WWOX: variants seen among roughly 807,000 people sequenced by gnomAD.
WWOX encodes WW domain containing oxidoreductase.
A neutral mutation model predicts 46.2 loss-of-function variants in WWOX; 69 were observed. The observed-to-expected ratio is 1.49, with a 90% confidence interval of 1.23 to 1.82. WWOX has a LOEUF of 1.82. Among genes scored for constraint, WWOX ranks in the 40% most tolerant of loss-of-function variants. The pLI, the probability that WWOX is intolerant of heterozygous loss-of-function variation, is 0.00. For missense variants in WWOX, 919 were observed against 542.6 expected (o/e 1.69, Z -6.89); for synonymous variants, 359 against 202.6 (o/e 1.77, Z -6.56).
At chr16:78,898,299 T>C (rs997310864) in intron 8 of WWOX, 9 of 152,188 alleles carry the variant, frequency 5.9e-5, no homozygotes, top group Non-Finnish European at 1.3e-4. Context: ...CTATGTTCCA[T>C]CTCAAATTAA....
At chr16:78,284,935 A>G (rs1249227201) in intron 5 of WWOX, among the ~76,000 whole-genome samples, 1 of 152,152 alleles carries the variant, frequency 6.6e-6, no homozygotes, top group Non-Finnish European at 1.5e-5. Context: ...CAACTAGCAA[A>G]ATGTTGGAAG....
At chr16:79,211,541 C>A in intron 8 of WWOX, 67 bp from the exon 9 acceptor site, 3 of 1,604,656 alleles carry the variant, frequency 1.9e-6, no homozygotes, top group Non-Finnish European at 2.6e-6. Flanking sequence ...CCCAGGCAGT[C>A]GAAATGACGC....
chr16:78,911,039 C>A (rs188805504), intron 8 of WWOX, among the ~76,000 whole-genome samples: 1 of 151,974 alleles, frequency 6.6e-6, no homozygotes, highest in African/African-American at 2.4e-5. Flanking sequence ...AAATGGCTTT[C>A]CCACAGCCTG....
intron 8 of WWOX, among the ~76,000 whole-genome samples, chr16:78,685,166 T>C (rs1431403275): frequency 6.6e-6 from 1 of 152,156 alleles, no homozygotes; most frequent in Admixed American, 6.5e-5. Flanking sequence ...TTTATGACCC[T>C]GGGAGGACTG....
At chr16:78,839,305 G>C (rs1306929378) in intron 8 of WWOX, among the ~76,000 whole-genome samples, 1 of 152,020 alleles carries the variant, frequency 6.6e-6, no homozygotes, top group Non-Finnish European at 1.5e-5. Flanking sequence ...AAAATGGAGA[G>C]GTTTTAAAAT....
At chr16:78,218,386 C>G (rs983235082) in intron 5 of WWOX, among the ~76,000 whole-genome samples, 3 of 152,022 alleles carry the variant, frequency 2.0e-5, no homozygotes, top group East Asian at 1.9e-4. Flanking sequence ...CATGCCTGGC[C>G]TTTGCTTGCC....
chr16:78,804,628 A>G (rs1161797604), intron 8 of WWOX, among the ~76,000 whole-genome samples: 1 of 152,238 alleles, frequency 6.6e-6, no homozygotes, highest in Non-Finnish European at 1.5e-5. Context: ...CATGTCAAGC[A>G]ATGAGCCTTT....
At chr16:78,138,909 T>A (rs1214608100) in intron 4 of WWOX, among the ~76,000 whole-genome samples, 1 of 152,192 alleles carries the variant, frequency 6.6e-6, no homozygotes, top group East Asian at 1.9e-4. Context: ...GTTCCCCCCA[T>A]GCAACTGTTT....
intron 8 of WWOX, among the ~76,000 whole-genome samples, chr16:78,608,580 G>A (rs935221113): frequency 6.6e-6 from 1 of 152,210 alleles, no homozygotes; most frequent in African/African-American, 2.4e-5. Context: ...AGTGAGGTAA[G>A]TTCGTCAGAC....
chr16:78,156,514 G>T (rs114021549), intron 4 of WWOX, among the ~76,000 whole-genome samples: 2,597 of 152,304 alleles, frequency 0.017, 83 homozygotes, highest in African/African-American at 0.06. Context: ...TTAGCAGTCT[G>T]CAAGAACCAT....
chr16:78,283,826 C>G (rs899283155), intron 5 of WWOX, among the ~76,000 whole-genome samples: 1 of 152,168 alleles, frequency 6.6e-6, no homozygotes, highest in African/African-American at 2.4e-5. Context: ...GGATTGTTCT[C>G]TAAGCTTCAC....
intron 5 of WWOX, among the ~76,000 whole-genome samples, chr16:78,311,842 G>C (rs1466198107): frequency 6.6e-6 from 1 of 152,132 alleles, no homozygotes; most frequent in African/African-American, 2.4e-5. Context: ...TTCAAACTTA[G>C]TGTCTTGAGA....
intron 4 of WWOX, among the ~76,000 whole-genome samples, chr16:78,142,403 A>G (rs546712433): frequency 8.1e-4 from 123 of 152,330 alleles, no homozygotes; most frequent in African/African-American, 2.7e-3. Flanking sequence ...ATGCAATGAA[A>G]ACATTTGTAA....
intron 8 of WWOX, among the ~76,000 whole-genome samples, chr16:78,623,800 TGAA>T (rs2046245434): frequency 2.6e-5 from 4 of 151,972 alleles, no homozygotes; most frequent in Admixed American, 2.6e-4. Flanking sequence ...CCACTATGAA[TGAA>T]GAAGAAAATA....
At chr16:78,167,452 A>G (rs1314026998) in intron 5 of WWOX, 1 of 152,206 alleles carries the variant, frequency 6.6e-6, no homozygotes, top group African/African-American at 2.4e-5. Context: ...CTTGAGATAG[A>G]CCAGTGATCC....
At chr16:78,201,231 A>G (rs1394205301) in intron 5 of WWOX, among the ~76,000 whole-genome samples, 5 of 152,224 alleles carry the variant, frequency 3.3e-5, no homozygotes, top group Non-Finnish European at 5.9e-5. Flanking sequence ...TAAGAACCAA[A>G]ATGATTGTCT....
At chr16:78,988,078 C>G (rs2046815734) in intron 8 of WWOX, among the ~76,000 whole-genome samples, 1 of 151,844 alleles carries the variant, frequency 6.6e-6, no homozygotes, top group Non-Finnish European at 1.5e-5. Context: ...TGCTGTGGGT[C>G]ACGCCTGTAA....
intron 5 of WWOX, among the ~76,000 whole-genome samples, chr16:78,313,589 C>G (rs997140039): frequency 2.0e-5 from 3 of 152,220 alleles, no homozygotes; most frequent in Admixed American, 1.3e-4. Context: ...TGGCCTCAAA[C>G]TCCTGACCTC....
chr16:78,626,924 G>C (rs1031748916), intron 8 of WWOX, among the ~76,000 whole-genome samples: 4 of 152,090 alleles, frequency 2.6e-5, no homozygotes, highest in African/African-American at 9.7e-5. Context: ...GTCTTCAAAA[G>C]TTGCTGCTGT....
Sources: allele counts gnomAD v4.1 joint callset (sites outside exome capture counted in the v4.1 genomes callset), GRCh38; gene constraint gnomAD v4.1.1; transcripts MANE v1.5; gene names NCBI Gene and HGNC (gene_info 2026-07-23, HGNC 2026-07-21).